The following CACNA2D1 variants were observed in gnomAD, a reference collection of about 807,000 sequenced individuals.
The protein encoded by CACNA2D1 is calcium voltage-gated channel auxiliary subunit alpha2delta 1.
In CACNA2D1, 53 loss-of-function variants were observed where a neutral mutation model predicts 171.5. The observed-to-expected ratio is 0.31, with a 90% confidence interval of 0.25 to 0.39. CACNA2D1 has a LOEUF of 0.39. CACNA2D1 is among the 10% of genes least tolerant of loss of function. The probability of loss-of-function intolerance (pLI) is 1.00; values close to 1 mark genes in which losing one functional copy is unlikely to be tolerated. For missense variants in CACNA2D1, 903 were observed against 1,299.8 expected, an observed-to-expected ratio of 0.69 and a Z score of 4.69; for synonymous variants, 442 against 443.1, an observed-to-expected ratio of 1.00 and a Z score of 0.03.
At chr7:82,223,525 C>T (rs1440063624) in intron 3 of CACNA2D1, among the ~76,000 whole-genome samples, 1 of 152,182 alleles carries the variant, frequency 6.6e-6, no homozygotes, top group Non-Finnish European at 1.5e-5. Flanking sequence ...AGCATCAGGG[C>T]ATCCTTGCAC....
At chr7:82,401,509 G>C (rs1284627374) in intron 1 of CACNA2D1, among the ~76,000 whole-genome samples, 2 of 146,356 alleles carry the variant, frequency 1.4e-5, no homozygotes, top group African/African-American at 2.5e-5. Context: ...TGAACAATGA[G>C]ATCACATGGA....
Position 82,359,052 on chromosome 7 carries a change from T to A in CACNA2D1, c.96-9403A>T, listed in dbSNP as rs377213596. 2.8e-4 allele frequency among the ~76,000 whole-genome samples: 43 copies of A among 152,262 alleles called. 1 individual carries two copies. In the East Asian group the frequency reaches 4.8e-3, roughly 17 times the overall value. On this transcript the variant is annotated intron_variant, in intron 1 of 38. Coordinates refer to ENST00000356860, the MANE Select transcript of CACNA2D1 (RefSeq NM_000722.4). ...GAAGCCTTGAGGGTTTTGTTTTTTA[T>A]CCTTCCACATCACAATTAGTTACAA...
At chr7:82,375,854 G>A (rs1822964171) in intron 1 of CACNA2D1, among the ~76,000 whole-genome samples, 1 of 152,132 alleles carries the variant, frequency 6.6e-6, no homozygotes, top group Non-Finnish European at 1.5e-5. Context: ...GTGAAAATCA[G>A]TTACTGGTGA....
At chr7:82,289,522 T>C (rs913845590) in intron 3 of CACNA2D1, among the ~76,000 whole-genome samples, 1 of 152,190 alleles carries the variant, frequency 6.6e-6, no homozygotes, top group African/African-American at 2.4e-5. Context: ...CCAAATAATT[T>C]AACCAACTAC....
At position 82,356,775 on chromosome 7, in the gene CACNA2D1, T is replaced by A. The variant is rs138967635; in HGVS notation, c.96-7126A>T. Among the ~76,000 whole-genome samples the A allele has an allele frequency of 7.7e-3, 1,166 of 152,206 alleles. 19 individuals carry two copies. The highest frequency in any genetic ancestry group is 0.025 in the African/African-American group (1,059 of 41,542). ...TGCATCTGTAAATAGCATCCACTTT[T>A]CAACAAGTAGCAGATTATCAAAATT... On this transcript the variant is annotated intron_variant, in intron 1 of 38. Transcript: ENST00000356860.
chr7:82,410,894 T>C (rs1450490562), intron 1 of CACNA2D1, among the ~76,000 whole-genome samples: 3 of 152,246 alleles, frequency 2.0e-5, no homozygotes, highest in Non-Finnish European at 4.4e-5. Flanking sequence ...GAATCTTTTT[T>C]AATCTTTCGA....
At chr7:82,004,274 A>G (rs1244047485) in intron 18 of CACNA2D1, among the ~76,000 whole-genome samples, 14 of 152,092 alleles carry the variant, frequency 9.2e-5, no homozygotes, top group Admixed American at 8.5e-4. Context: ...GTTTAATAAT[A>G]ATATGAAAAA....
At chr7:82,442,553 G>A (rs1247824131) in intron 1 of CACNA2D1, among the ~76,000 whole-genome samples, 2 of 152,170 alleles carry the variant, frequency 1.3e-5, no homozygotes, top group Admixed American at 6.5e-5. Flanking sequence ...CCTGTGGTGT[G>A]ACTATAGCTA....
intron 3 of CACNA2D1, among the ~76,000 whole-genome samples, chr7:82,306,990 T>C (rs1813818105): frequency 6.6e-6 from 1 of 152,100 alleles, no homozygotes; most frequent in Non-Finnish European, 1.5e-5. Context: ...CCTGCTTTGG[T>C]TTCTCCATGG....
intron 3 of CACNA2D1, among the ~76,000 whole-genome samples, chr7:82,176,145 T>A (rs529947548): frequency 6.6e-6 from 1 of 152,136 alleles, no homozygotes; most frequent in East Asian, 1.9e-4. Context: ...TGACACCTTA[T>A]TTTTTCTGAA....
At chr7:82,408,794 C>T (rs1370064646) in intron 1 of CACNA2D1, among the ~76,000 whole-genome samples, 1 of 152,172 alleles carries the variant, frequency 6.6e-6, no homozygotes, top group Non-Finnish European at 1.5e-5. Context: ...AGGTACCAGG[C>T]AGTTGTAAAC....
intron 9 of CACNA2D1, 149 bp downstream of exon 9, chr7:82,064,155 T>A (rs1807311326): frequency 2.0e-6 from 1 of 512,694 alleles, no homozygotes; most frequent in African/African-American, 1.9e-5. Context: ...TGTCTTGATA[T>A]GGCTTCATTG....
chr7:82,411,882 C>T (rs753981909), intron 1 of CACNA2D1, among the ~76,000 whole-genome samples: 42 of 145,686 alleles, frequency 2.9e-4, no homozygotes, highest in Non-Finnish European at 4.5e-4. Context: ...TCAAGCCAAA[C>T]GAAAACTAAA....
chr7:81,957,280 TTAGGATTAGAAA>T (rs1337196365), intron 38 of CACNA2D1, among the ~76,000 whole-genome samples: 2 of 152,124 alleles, frequency 1.3e-5, no homozygotes, highest in Non-Finnish European at 2.9e-5. Flanking sequence ...TATGTTTCAT[TTAGGATTAGAAA>T]TGTACATGCC....
intron 1 of CACNA2D1, among the ~76,000 whole-genome samples, chr7:82,422,840 G>GA (rs773648906): frequency 2.0e-5 from 3 of 151,250 alleles, no homozygotes; most frequent in Non-Finnish European, 4.4e-5. Flanking sequence ...CAGGCTGTCA[G>GA]AAAAATCTCC....
At chr7:82,287,212 T>C (rs1331916464) in intron 3 of CACNA2D1, among the ~76,000 whole-genome samples, 1 of 152,152 alleles carries the variant, frequency 6.6e-6, no homozygotes, top group African/African-American at 2.4e-5. Flanking sequence ...CATACAAATA[T>C]ATTAGCATGT....
At chr7:82,310,783 T>C (rs993151829) in intron 3 of CACNA2D1, among the ~76,000 whole-genome samples, 1 of 152,146 alleles carries the variant, frequency 6.6e-6, no homozygotes, top group Non-Finnish European at 1.5e-5. Context: ...CTTTTAATTA[T>C]CACTTTGGCT....
chr7:81,985,196 C>CTTTTTTTT (rs774555240), intron 21 of CACNA2D1, among the ~76,000 whole-genome samples: 20 of 104,176 alleles, frequency 1.9e-4, no homozygotes, highest in African/African-American at 7.8e-4. Flanking sequence ...ATTATCATTA[C>CTTTTTTTT]TTTTTTTTTT....
At chr7:82,171,592 T>C (rs1796022077) in intron 3 of CACNA2D1, among the ~76,000 whole-genome samples, 1 of 152,066 alleles carries the variant, frequency 6.6e-6, no homozygotes. Context: ...AGTTACAAAG[T>C]GCTTAGAACA....
Sources: gnomAD v4.1 joint callset for allele counts (sites outside exome capture counted in the v4.1 genomes callset) on GRCh38, gnomAD v4.1.1 for gene constraint, MANE v1.5 for transcripts, NCBI Gene and HGNC (gene_info 2026-07-23, HGNC 2026-07-21) for gene names.